The following TTC27 variants were observed in gnomAD, a reference collection of about 807,000 sequenced individuals.
TTC27 encodes tetratricopeptide repeat domain 27, also known as tetratricopeptide repeat protein 27.
Under a neutral mutation model 115.9 loss-of-function variants are expected in TTC27, and 79 were observed. The observed-to-expected ratio is 0.68, with a 90% CI of 0.57 to 0.82. The LOEUF (loss-of-function observed/expected upper bound fraction) is 0.82. TTC27 is among the 40% of genes least tolerant of loss of function. TTC27 has a pLI of 0.00. For missense variants in TTC27, 1,054 were observed against 993.1 expected, an observed-to-expected ratio of 1.06 and a Z score of -0.82; for synonymous variants, 401 against 356.0, an observed-to-expected ratio of 1.13 and a Z score of -1.42.
chr2:32,682,663 G>T (rs1368409874), intron 9 of TTC27, among the ~76,000 whole-genome samples: 4 of 135,202 alleles, frequency 3.0e-5, no homozygotes, highest in Non-Finnish European at 6.3e-5. Context: ...AAATATAATA[G>T]AAGTCTTTTT....
chr2:32,734,442 T>C (rs1181665870), intron 11 of TTC27, among the ~76,000 whole-genome samples: 1 of 152,206 alleles, frequency 6.6e-6, no homozygotes, highest in Non-Finnish European at 1.5e-5. Context: ...TTTAAACAAG[T>C]TGTTTACAAA....
intron 10 of TTC27, among the ~76,000 whole-genome samples, chr2:32,713,297 C>T (rs1314133830): frequency 6.6e-6 from 1 of 152,148 alleles, no homozygotes; most frequent in African/African-American, 2.4e-5. Flanking sequence ...ATGGAAACTA[C>T]ATATATTCAA....
At chr2:32,772,785 T>G (rs1176968830) in intron 13 of TTC27, among the ~76,000 whole-genome samples, 1 of 152,212 alleles carries the variant, frequency 6.6e-6, no homozygotes, top group Non-Finnish European at 1.5e-5. Flanking sequence ...CTATTGTCAA[T>G]GTCCTTATTT....
chr2:32,705,037 G>A (rs1667318712), intron 10 of TTC27: 2 of 415,628 alleles, frequency 4.8e-6, no homozygotes, highest in South Asian at 3.7e-5. Context: ...ATCTCTTGTT[G>A]AAATGTGATT....
chr2:32,682,809 C>A (rs1346774267), intron 9 of TTC27, among the ~76,000 whole-genome samples: 1 of 146,052 alleles, frequency 6.8e-6, no homozygotes, highest in Non-Finnish European at 1.5e-5. Context: ...GCTGGGACTA[C>A]AGGCATGGGC....
intron 12 of TTC27, among the ~76,000 whole-genome samples, chr2:32,754,424 G>A (rs954616579): frequency 1.3e-5 from 2 of 149,240 alleles, no homozygotes; most frequent in African/African-American, 5.0e-5. Flanking sequence ...AACCCTGAGT[G>A]GACACAGCAC....
chr2:32,704,226 G>A (rs1667288069), intron 10 of TTC27, among the ~76,000 whole-genome samples: 1 of 151,616 alleles, frequency 6.6e-6, no homozygotes, highest in Admixed American at 6.6e-5. Flanking sequence ...TTACTCTGTT[G>A]CCCAGGTTGG....
intron 15 of TTC27, 61 bp downstream of exon 15, chr2:32,782,739 A>G (rs1670222520): frequency 2.3e-6 from 3 of 1,323,572 alleles, no homozygotes; most frequent in African/African-American, 1.4e-5. Context: ...GAGATTTTCT[A>G]CAACTGAACA....
At chr2:32,731,376 G>C (rs945843405) in intron 10 of TTC27, among the ~76,000 whole-genome samples, 5 of 152,044 alleles carry the variant, frequency 3.3e-5, no homozygotes, top group African/African-American at 1.2e-4. Flanking sequence ...ACTGTGCCTG[G>C]CCCCTTTTTT....
chr2:32,752,803 TG>T (rs1669062811), intron 12 of TTC27, among the ~76,000 whole-genome samples: 1 of 152,170 alleles, frequency 6.6e-6, no homozygotes, highest in Non-Finnish European at 1.5e-5. Flanking sequence ...TCCTCCCAAA[TG>T]TCTCCATTTA....
In TTC27 at chr2:32,657,695, A is replaced by G. The variant is rs140619172; in HGVS notation, c.641-6608A>G. On this transcript the variant is annotated intron_variant, in intron 5 of 19. Transcript: ENST00000317907. ...TTTGTAGCATCAGCTCTGCACCTTTATCCTTCCCCTAAAAACTTTTTCATA... is the reference window on the plus strand; with the variant it reads ...TTTGTAGCATCAGCTCTGCACCTTTGTCCTTCCCCTAAAAACTTTTTCATA... Among the ~76,000 whole-genome samples the G allele has an allele frequency of 4.2e-3, 640 of 152,126 alleles. 8 individuals carry two copies. Among genetic ancestry groups the G allele is most frequent in the Non-Finnish European group, 4.5e-3 (303 of 67,984 alleles).
intron 10 of TTC27, among the ~76,000 whole-genome samples, chr2:32,714,949 G>C (rs1164796545): frequency 6.6e-6 from 1 of 151,616 alleles, no homozygotes; most frequent in Non-Finnish European, 1.5e-5. Context: ...TTTGTTTTTT[G>C]TTTAAGTTCC....
intron 9 of TTC27, among the ~76,000 whole-genome samples, chr2:32,692,013 G>C (rs1441598909): frequency 8.8e-6 from 1 of 113,380 alleles, no homozygotes; most frequent in Non-Finnish European, 2.0e-5. Context: ...TGAATGTGGG[G>C]ATATTCTTTT....
chr2:32,713,670 T>C (rs1007700845), intron 10 of TTC27, among the ~76,000 whole-genome samples: 2 of 152,256 alleles, frequency 1.3e-5, no homozygotes, highest in Non-Finnish European at 2.9e-5. Context: ...TTTCTGTCCC[T>C]GAAGTCTGTT....
At chr2:32,648,789 T>G (rs1318021676) in intron 4 of TTC27, among the ~76,000 whole-genome samples, 2 of 152,014 alleles carry the variant, frequency 1.3e-5, no homozygotes, top group African/African-American at 2.4e-5. Flanking sequence ...GGTGGGTGGA[T>G]CACTTGAGCC....
At chr2:32,723,289 G>A (rs2052998) in intron 10 of TTC27, among the ~76,000 whole-genome samples, 25,358 of 151,906 alleles carry the variant, frequency 0.17, 2,561 homozygotes, top group South Asian at 0.35. Context: ...ACATCCTTAC[G>A]CAGCATTTTC....
intron 13 of TTC27, among the ~76,000 whole-genome samples, chr2:32,767,530 C>T (rs1244440617): frequency 2.9e-5 from 4 of 139,656 alleles, no homozygotes; most frequent in Non-Finnish European, 6.1e-5. Flanking sequence ...GGCGCAATCT[C>T]GGCTCACTGC....
intron 13 of TTC27, among the ~76,000 whole-genome samples, chr2:32,775,225 T>A (rs1329382549): frequency 6.6e-6 from 1 of 152,168 alleles, no homozygotes; most frequent in Non-Finnish European, 1.5e-5. Context: ...TGAGACGGAG[T>A]CTCGCTCTGT....
At chr2:32,785,768 G>A (rs1670327980) in intron 15 of TTC27, among the ~76,000 whole-genome samples, 1 of 152,008 alleles carries the variant, frequency 6.6e-6, no homozygotes, top group South Asian at 2.1e-4. Flanking sequence ...GCTAATTTTT[G>A]TATTTTTAGT....
Sources: gnomAD v4.1 joint callset for allele counts (sites outside exome capture counted in the v4.1 genomes callset) on GRCh38, gnomAD v4.1.1 for gene constraint, MANE v1.5 for transcripts, NCBI Gene and HGNC (gene_info 2026-07-23, HGNC 2026-07-21) for gene names.